Variants in TSPAN5 observed in about 807,000 individuals in gnomAD.
TSPAN5 encodes tetraspanin-5.
TSPAN5 carries 10 observed loss-of-function variants against 37.1 expected under a neutral mutation model. The observed-to-expected ratio is 0.27, with a 90% CI of 0.17 to 0.46. The LOEUF is 0.46. TSPAN5 is among the 20% of genes least tolerant of loss of function. TSPAN5 has a pLI of 1.00. For missense variants in TSPAN5, 195 were observed against 326.6 expected (o/e 0.60, Z 3.11); for synonymous variants, 110 against 118.9 (o/e 0.93, Z 0.48).
At position 98,604,031 on chromosome 4, in the gene TSPAN5, T is replaced by C. The variant is rs562134235; in HGVS notation, c.81+54115A>G. 1.2e-4 allele frequency among the ~76,000 whole-genome samples: 18 copies of C among 152,324 alleles called. No homozygotes were observed. The South Asian group carries it at 3.7e-3, about 32-fold the overall frequency. On this transcript the variant is annotated intron_variant, in intron 1 of 7. Transcript: ENST00000305798. Reference sequence around the variant, plus strand: ...TTGGACTGCCATTTCCTTTTCCCTGTTTGATGCTTACTGAACCTCTGGAGT... The same window carrying C: ...TTGGACTGCCATTTCCTTTTCCCTGCTTGATGCTTACTGAACCTCTGGAGT...
intron 1 of TSPAN5, among the ~76,000 whole-genome samples, chr4:98,607,813 C>T (rs977323844): frequency 4.0e-5 from 6 of 151,746 alleles, no homozygotes; most frequent in Admixed American, 1.3e-4. Flanking sequence ...CAGGTTCAAG[C>T]GATTCTCCTG....
At chr4:98,640,569 A>G (rs921943495) in intron 1 of TSPAN5, among the ~76,000 whole-genome samples, 1 of 152,218 alleles carries the variant, frequency 6.6e-6, no homozygotes, top group Non-Finnish European at 1.5e-5. Flanking sequence ...GTGGACAGCT[A>G]TGGCTACACA....
intron 1 of TSPAN5, among the ~76,000 whole-genome samples, chr4:98,527,459 T>C (rs1405644503): frequency 1.3e-5 from 2 of 152,188 alleles, no homozygotes; most frequent in African/African-American, 2.4e-5. Context: ...CCTAAAAATA[T>C]TTCAGTGAAG....
At chr4:98,587,220 G>C (rs940887266) in intron 1 of TSPAN5, among the ~76,000 whole-genome samples, 8 of 152,312 alleles carry the variant, frequency 5.3e-5, no homozygotes, top group African/African-American at 1.4e-4. Context: ...GGGGGACATG[G>C]GCAGAGAAGA....
At chr4:98,619,157 T>C (rs1366284981) in intron 1 of TSPAN5, among the ~76,000 whole-genome samples, 2 of 152,238 alleles carry the variant, frequency 1.3e-5, no homozygotes, top group African/African-American at 2.4e-5. Context: ...ACAAACTCTA[T>C]CAGTATTAGC....
chr4:98,511,174 G>A (rs1242063042), intron 1 of TSPAN5, among the ~76,000 whole-genome samples: 1 of 152,162 alleles, frequency 6.6e-6, no homozygotes, highest in African/African-American at 2.4e-5. Context: ...ATATGCAAAT[G>A]TACAGTACAA....
chr4:98,582,042 A>G (rs1755380091), intron 1 of TSPAN5, among the ~76,000 whole-genome samples: 3 of 152,180 alleles, frequency 2.0e-5, no homozygotes, highest in Non-Finnish European at 4.4e-5. Flanking sequence ...CTCCCGGCCC[A>G]TCTCTTGTGG....
chr4:98,630,934 C>T (rs1370889495), intron 1 of TSPAN5, among the ~76,000 whole-genome samples: 1 of 152,164 alleles, frequency 6.6e-6, no homozygotes, highest in African/African-American at 2.4e-5. Context: ...AATCTCAACA[C>T]CCTTTCTTTT....
chr4:98,542,030 G>T lies in TSPAN5; in HGVS notation c.82-34302C>A, dbSNP rs74677963. 3.8e-3 allele frequency among the ~76,000 whole-genome samples: 577 copies of T among 152,254 alleles called. 7 individuals are homozygous for T. Among genetic ancestry groups the T allele is most frequent in the African/African-American group, 0.012 (506 of 41,546 alleles). Reference sequence around the variant, plus strand: ...ACATATTGTCTAAAGCCCAATGCAGGCTGAATGCTGGCAGCTAGTAGGCCA... The same window carrying T: ...ACATATTGTCTAAAGCCCAATGCAGTCTGAATGCTGGCAGCTAGTAGGCCA... On this transcript the variant is annotated intron_variant, in intron 1 of 7. Transcript: ENST00000305798.
At chr4:98,525,848 TAA>T (rs1753949374) in intron 1 of TSPAN5, among the ~76,000 whole-genome samples, 1 of 152,202 alleles carries the variant, frequency 6.6e-6, no homozygotes, top group Non-Finnish European at 1.5e-5. Flanking sequence ...TCATTTTGCT[TAA>T]AGTCACAGTT....
At position 98,481,883 on chromosome 4, in the gene TSPAN5, A is replaced by T. The variant is rs138013209; in HGVS notation, c.450+122T>A. The T allele has an allele frequency of 2.4e-4, 211 of 885,674 alleles. No homozygotes were observed. The African/African-American group carries it at 3.2e-3, about 14-fold the overall frequency. 54.9% of individuals were successfully genotyped at this position (885,674 alleles called of 1,614,324 possible). A position where few individuals can be genotyped will look rare whatever the true frequency, so the allele number is the denominator to read the frequency against. On this transcript the variant is annotated intron_variant, in intron 4 of 7. Coordinates refer to ENST00000305798, the MANE Select transcript of TSPAN5 (RefSeq NM_005723.4). ...CGGAAAATAATAAACAAACAAACAA[A>T]CACCCATGCAGAATAGTCAGGTAGT...
intron 2 of TSPAN5, among the ~76,000 whole-genome samples, chr4:98,502,636 G>C (rs1055146081): frequency 6.6e-6 from 1 of 152,186 alleles, no homozygotes; most frequent in African/African-American, 2.4e-5. Flanking sequence ...GCCTAGGCCA[G>C]TTAACCAGTG....
At chr4:98,504,420 T>G (rs1753428314) in intron 2 of TSPAN5, among the ~76,000 whole-genome samples, 1 of 151,294 alleles carries the variant, frequency 6.6e-6, no homozygotes, top group African/African-American at 2.4e-5. Flanking sequence ...GTCTCTGCAG[T>G]TACCAAGGAG....
At chr4:98,501,070 A>T (rs924883964) in intron 2 of TSPAN5, among the ~76,000 whole-genome samples, 19 of 152,226 alleles carry the variant, frequency 1.2e-4, no homozygotes, top group Admixed American at 4.6e-4. Context: ...CTAAGTAATA[A>T]GCATAAGAGT....
intron 1 of TSPAN5, among the ~76,000 whole-genome samples, chr4:98,590,724 G>C: frequency 6.9e-6 from 1 of 145,880 alleles, no homozygotes; most frequent in Non-Finnish European, 1.5e-5. Flanking sequence ...AAAAAAAAAA[G>C]AGAGAGAGAG....
At chr4:98,533,950 A>AACAAAACAAAC (rs1553912221) in intron 1 of TSPAN5, among the ~76,000 whole-genome samples, 1 of 141,378 alleles carries the variant, frequency 7.1e-6, no homozygotes, top group Non-Finnish European at 1.6e-5. Flanking sequence ...AAAAAAAAAA[A>AACAAAACAAAC]AAAAAAAAAA....
At chr4:98,582,442 CAT>C (rs1460629282) in intron 1 of TSPAN5, among the ~76,000 whole-genome samples, 1 of 152,236 alleles carries the variant, frequency 6.6e-6, no homozygotes, top group Admixed American at 6.5e-5. Context: ...ACGCCCATGA[CAT>C]GTGCACTAAT....
chr4:98,629,055 C>A (rs1178411193), intron 1 of TSPAN5, among the ~76,000 whole-genome samples: 1 of 152,096 alleles, frequency 6.6e-6, no homozygotes, highest in Non-Finnish European at 1.5e-5. Flanking sequence ...AACTAGCCAT[C>A]ATAGTTATTT....
intron 1 of TSPAN5, among the ~76,000 whole-genome samples, chr4:98,619,731 G>C (rs1318102865): frequency 6.6e-6 from 1 of 152,228 alleles, no homozygotes; most frequent in Non-Finnish European, 1.5e-5. Flanking sequence ...TATAAACTGT[G>C]TAACTTATAA....
Sources: gnomAD v4.1 joint callset for allele counts (sites outside exome capture counted in the v4.1 genomes callset) on GRCh38, gnomAD v4.1.1 for gene constraint, MANE v1.5 for transcripts, NCBI Gene and HGNC (gene_info 2026-07-23, HGNC 2026-07-21) for gene names.